The following CPNE4 variants were observed in gnomAD, a reference collection of about 807,000 sequenced individuals.
CPNE4 encodes the protein copine 4, also known as copine-4.
CPNE4 carries 25 observed loss-of-function variants against 67.9 expected under a neutral mutation model. The ratio of observed to expected loss-of-function variants is 0.37; its 90% CI spans 0.27 to 0.51. The LOEUF (loss-of-function observed/expected upper bound fraction) is 0.51, where lower values mean the gene tolerates loss of function less well. CPNE4 is among the 20% of genes least tolerant of loss of function. CPNE4 has a pLI of 0.93. For missense variants in CPNE4, 464 were observed against 690.8 expected, an observed-to-expected ratio of 0.67 and a Z score of 3.68; for synonymous variants, 242 against 244.9, an observed-to-expected ratio of 0.99 and a Z score of 0.11.
chr3:131,978,573 T>C lies in CPNE4; in HGVS notation c.-2+55994A>G, dbSNP rs1284338335. The stretch of plus-strand genomic sequence containing the variant: ...ATATATATATATGCCACAGTTTCTT[T>C]ATCCACTCTCCTCTTTTCTTGGTTA... On this transcript the variant is annotated intron_variant, in intron 1 of 15. Coordinates refer to ENST00000429747, the MANE Select transcript of CPNE4 (RefSeq NM_130808.3). Among the ~76,000 whole-genome samples the C allele has an allele frequency of 1.3e-4, 12 of 95,456 alleles. 1 individual carries two copies. The highest frequency in any genetic ancestry group is 1.1e-3 in the Admixed American group (7 of 6,490). 62.6% of individuals were successfully genotyped at this position (95,456 alleles called of 152,430 possible).
At chr3:131,775,532 C>G (rs1049678321) in intron 2 of CPNE4, among the ~76,000 whole-genome samples, 2 of 152,084 alleles carry the variant, frequency 1.3e-5, no homozygotes, top group Non-Finnish European at 2.9e-5. Context: ...GTAATTGAAT[C>G]ATGGGGGCTG....
At chr3:131,973,107 A>G (rs1330853105) in intron 1 of CPNE4, among the ~76,000 whole-genome samples, 3 of 152,100 alleles carry the variant, frequency 2.0e-5, no homozygotes, top group African/African-American at 7.2e-5. Flanking sequence ...TTTAGCATAA[A>G]CTCACAGTGT....
intron 7 of CPNE4, among the ~76,000 whole-genome samples, chr3:131,647,086 G>C (rs1338396137): frequency 6.6e-6 from 1 of 152,194 alleles, no homozygotes; most frequent in African/African-American, 2.4e-5. Flanking sequence ...GGGTAAAATA[G>C]CTCCTATCCA....
chr3:131,875,874 ATC>A (rs2087424765), intron 2 of CPNE4, among the ~76,000 whole-genome samples: 1 of 152,236 alleles, frequency 6.6e-6, no homozygotes, highest in South Asian at 2.1e-4. Context: ...TACAAAGACA[ATC>A]TGTTTAAGAA....
chr3:131,673,526 G>C (rs577344489), intron 6 of CPNE4, among the ~76,000 whole-genome samples: 2 of 151,946 alleles, frequency 1.3e-5, no homozygotes, highest in Admixed American at 1.3e-4. Context: ...ATATTTTACT[G>C]TTTTCATTGT....
chr3:131,952,386 G>T (rs886116655), intron 1 of CPNE4, among the ~76,000 whole-genome samples: 1 of 150,520 alleles, frequency 6.6e-6, no homozygotes, highest in African/African-American at 2.4e-5. Flanking sequence ...CGTCTGAGAA[G>T]TGAGGAGCCT....
At chr3:131,546,772 G>C (rs767031103) in intron 14 of CPNE4, among the ~76,000 whole-genome samples, 1 of 152,150 alleles carries the variant, frequency 6.6e-6, no homozygotes, top group Non-Finnish European at 1.5e-5. Flanking sequence ...TGGTACCCCA[G>C]AGGGGATGAG....
At chr3:131,581,108 G>A (rs1189324503) in intron 9 of CPNE4, among the ~76,000 whole-genome samples, 2 of 152,230 alleles carry the variant, frequency 1.3e-5, no homozygotes, top group Non-Finnish European at 2.9e-5. Context: ...GGGTGGCAGA[G>A]GTTGCAGTGA....
At chr3:131,972,396 T>C (rs1022170018) in intron 1 of CPNE4, among the ~76,000 whole-genome samples, 13 of 152,180 alleles carry the variant, frequency 8.5e-5, no homozygotes, top group Non-Finnish European at 1.6e-4. Flanking sequence ...TGAGGTAAAG[T>C]GCAGAGAGCT....
At chr3:131,723,810 G>A (rs932792179) in intron 2 of CPNE4, among the ~76,000 whole-genome samples, 185 bp from the exon 3 acceptor site, 2 of 152,174 alleles carry the variant, frequency 1.3e-5, no homozygotes, top group Non-Finnish European at 2.9e-5. Flanking sequence ...GAGTTTTAGG[G>A]AAGAAAATAA....
intron 2 of CPNE4, among the ~76,000 whole-genome samples, chr3:131,859,832 T>C (rs2086599650): frequency 6.6e-6 from 1 of 152,202 alleles, no homozygotes; most frequent in Non-Finnish European, 1.5e-5. Context: ...ATATGTCAGA[T>C]TCTGTAGGGA....
chr3:131,699,121 T>C (rs1489481626), intron 4 of CPNE4, among the ~76,000 whole-genome samples: 2 of 152,184 alleles, frequency 1.3e-5, no homozygotes, highest in African/African-American at 4.8e-5. Flanking sequence ...CTCTACCTTT[T>C]TCAAGGTCTC....
At chr3:131,905,238 C>T in intron 2 of CPNE4, 26 bp downstream of exon 2, 1 of 1,580,600 alleles carries the variant, frequency 6.3e-7, no homozygotes, top group South Asian at 1.1e-5. Flanking sequence ...AGCCATGGTT[C>T]TGTCCATTTC....
chr3:131,777,015 T>G (rs980767394), intron 2 of CPNE4, among the ~76,000 whole-genome samples: 8 of 152,124 alleles, frequency 5.3e-5, no homozygotes, highest in African/African-American at 1.9e-4. Context: ...CTGCTGTATT[T>G]TCACATTTTC....
rs1224174343 is a variant in CPNE4 at position 131,938,356 on chromosome 3, C to CA, written c.-1-32913dup. 2.6e-3 allele frequency among the ~76,000 whole-genome samples: 373 copies of CA among 141,980 alleles called. 2 individuals are homozygous for CA. The highest frequency in any genetic ancestry group is 3.6e-3 in the Middle Eastern group (1 of 278). The allele number at this position is 141,980 out of a possible 152,430, so 93.1% of individuals were successfully genotyped here. A position where few individuals can be genotyped will look rare whatever the true frequency, so the allele number is the denominator to read the frequency against. ...TGCGTGACAGAGTGATATGCTGTCT[C>CA]AAAAAAAAAATCATTAAAAAAATTT... On this transcript the variant is annotated intron_variant, in intron 1 of 15. Transcript: ENST00000429747.
chr3:131,757,311 GGT>G (rs1409157040), intron 2 of CPNE4, among the ~76,000 whole-genome samples: 2 of 152,196 alleles, frequency 1.3e-5, no homozygotes, highest in African/African-American at 4.8e-5. Flanking sequence ...TCCAGGCTGA[GGT>G]GGTCTCAGAT....
intron 1 of CPNE4, among the ~76,000 whole-genome samples, chr3:131,953,780 A>G (rs1378320109): frequency 1.3e-5 from 2 of 152,240 alleles, no homozygotes. Flanking sequence ...GAGGTTGGTT[A>G]ATGAGTACAA....
At chr3:131,808,517 A>G (rs981545950) in intron 2 of CPNE4, among the ~76,000 whole-genome samples, 2 of 141,982 alleles carry the variant, frequency 1.4e-5, no homozygotes, top group Admixed American at 6.8e-5. Flanking sequence ...TAAAACTCAA[A>G]GAGAAAAAAA....
At chr3:131,732,191 T>A (rs1246040711) in intron 2 of CPNE4, among the ~76,000 whole-genome samples, 1 of 152,216 alleles carries the variant, frequency 6.6e-6, no homozygotes, top group Non-Finnish European at 1.5e-5. Flanking sequence ...CCTGCTTCTT[T>A]GAAAGCTGCC....
Sources: allele counts gnomAD v4.1 joint callset (sites outside exome capture counted in the v4.1 genomes callset), GRCh38; gene constraint gnomAD v4.1.1; transcripts MANE v1.5; gene names NCBI Gene and HGNC (gene_info 2026-07-23, HGNC 2026-07-21).